Variants in BRD10 observed in about 807,000 individuals in gnomAD.
BRD10 encodes bromodomain containing 10, also known as uncharacterized bromodomain-containing protein 10.
At chr9:5,891,955 G>A in the BRD10 span, among the ~76,000 whole-genome samples, 1 of 152,180 alleles carries the variant, frequency 6.6e-6, no homozygotes, top group Non-Finnish European at 1.5e-5. Flanking sequence ...CACAGGCAAC[G>A]GGTGCTCTGG....
the BRD10 span, among the ~76,000 whole-genome samples, chr9:5,993,407 C>A: frequency 6.6e-6 from 1 of 151,146 alleles, no homozygotes; most frequent in African/African-American, 2.4e-5. Flanking sequence ...AACTTTAGCC[C>A]TAAGGGTCCT....
At chr9:6,000,972 G>A in the BRD10 span, among the ~76,000 whole-genome samples, 1 of 152,076 alleles carries the variant, frequency 6.6e-6, no homozygotes, top group African/African-American at 2.4e-5. Flanking sequence ...TCTAGCCCTT[G>A]TCACTATGCT....
At chr9:6,007,901 C>T in the BRD10 span, 19 of 1,364,186 alleles carry the variant, frequency 1.4e-5, no homozygotes, top group African/African-American at 1.1e-4. Context: ...CCCGCCACAT[C>T]GGGCCTGGCT....
chr9:5,983,241 A>G, the BRD10 span, among the ~76,000 whole-genome samples: 269 of 152,310 alleles, frequency 1.8e-3, no homozygotes, highest in Non-Finnish European at 3.3e-3. Flanking sequence ...GCATTATGCT[A>G]TTGTAGGGCT....
chr9:6,007,651 C>A, the BRD10 span: 16 of 1,605,060 alleles, frequency 1.0e-5, 1 homozygote, highest in African/African-American at 1.9e-4. Context: ...CGAGGAGGCA[C>A]TCCTTCCGTG....
At chr9:5,924,115 A>G in the BRD10 span, among the ~76,000 whole-genome samples, 1 of 152,184 alleles carries the variant, frequency 6.6e-6, no homozygotes, top group African/African-American at 2.4e-5. Context: ...TCTAAAGTAA[A>G]TTTCAGATAC....
chr9:6,008,096 G>T, the BRD10 span: 1 of 980,884 alleles, frequency 1.0e-6, no homozygotes. Flanking sequence ...CACCCCGCCC[G>T]CCTGCTCTTC....
At chr9:5,967,974 T>G in the BRD10 span, 4 of 1,235,174 alleles carry the variant, frequency 3.2e-6, no homozygotes, top group African/African-American at 3.1e-5. Flanking sequence ...AAAAACAATT[T>G]GAATTATACT....
the BRD10 span, among the ~76,000 whole-genome samples, chr9:5,902,017 C>T: frequency 1.2e-5 from 1 of 82,900 alleles, no homozygotes; most frequent in Non-Finnish European, 3.5e-5. Context: ...TAATGCTGGC[C>T]TCATAGCAAT....
chr9:5,967,266 G>T, the BRD10 span, among the ~76,000 whole-genome samples: 1 of 151,754 alleles, frequency 6.6e-6, no homozygotes, highest in Non-Finnish European at 1.5e-5. Context: ...TCACTTATGT[G>T]CTTGATAAAT....
At chr9:5,897,808 C>G in the BRD10 span, among the ~76,000 whole-genome samples, 2 of 152,224 alleles carry the variant, frequency 1.3e-5, no homozygotes, top group African/African-American at 4.8e-5. Context: ...TGTACTTTGG[C>G]AACTCTACCT....
the BRD10 span, among the ~76,000 whole-genome samples, chr9:5,885,086 G>A: frequency 6.0e-3 from 912 of 152,324 alleles, 13 homozygotes; most frequent in African/African-American, 0.021. Flanking sequence ...CCTCCTGGCT[G>A]CTGGGGCTTC....
At chr9:5,908,665 A>T in the BRD10 span, 3 of 1,614,116 alleles carry the variant, frequency 1.9e-6, no homozygotes, top group East Asian at 6.7e-5. Context: ...CCTGCTTATG[A>T]GAAACTCTCT....
At chr9:6,008,164 G>C in the BRD10 span, 1 of 974,154 alleles carries the variant, frequency 1.0e-6, no homozygotes, top group Non-Finnish European at 1.2e-6. Context: ...TCCCGGGCCA[G>C]CGGGGGGCTG....
At chr9:5,907,008 G>T in the BRD10 span, 1 of 1,543,946 alleles carries the variant, frequency 6.5e-7, no homozygotes, top group Non-Finnish European at 8.8e-7. Flanking sequence ...GGTAGGTTAA[G>T]ATCCTTCATA....
At chr9:5,921,366 C>T in the BRD10 span, 5 of 1,613,904 alleles carry the variant, frequency 3.1e-6, no homozygotes, top group Non-Finnish European at 4.2e-6. Flanking sequence ...TGGGGTTGCT[C>T]TGGAGTCTTA....
the BRD10 span, among the ~76,000 whole-genome samples, chr9:5,946,950 T>G: frequency 3.9e-5 from 6 of 152,066 alleles, no homozygotes; most frequent in East Asian, 1.2e-3. Flanking sequence ...GATAACACAG[T>G]TATCTCTTCA....
chr9:5,892,363 A>T, the BRD10 span: 4 of 866,520 alleles, frequency 4.6e-6, no homozygotes, highest in Non-Finnish European at 7.0e-6. Flanking sequence ...TTGGTCACCT[A>T]GTGAGGATGC....
At chr9:5,944,961 C>G in the BRD10 span, 1 of 1,484,736 alleles carries the variant, frequency 6.7e-7, no homozygotes, top group Admixed American at 2.1e-5. Flanking sequence ...TGCAAATAAG[C>G]TAAAATAAAA....
Sources: allele counts gnomAD v4.1 joint callset (sites outside exome capture counted in the v4.1 genomes callset), GRCh38; gene constraint gnomAD v4.1.1; transcripts MANE v1.5; gene names NCBI Gene and HGNC (gene_info 2026-07-23, HGNC 2026-07-21).